PPP1R13B: variants seen among roughly 807,000 people sequenced by gnomAD.
The protein encoded by PPP1R13B is apoptosis-stimulating of p53 protein 1.
Under a neutral mutation model 119.8 loss-of-function variants are expected in PPP1R13B, and 44 were observed. That is an observed-to-expected ratio of 0.37 (90% CI 0.29 to 0.47). PPP1R13B has a LOEUF of 0.47. Among genes scored for constraint, PPP1R13B ranks in the 20% least tolerant of loss-of-function variants. The pLI is 0.99. For missense variants in PPP1R13B, 1,227 were observed against 1,413.5 expected, an observed-to-expected ratio of 0.87 and a Z score of 2.12; for synonymous variants, 542 against 561.5, an observed-to-expected ratio of 0.97 and a Z score of 0.49.
chr14:103,812,346 G>A (rs1390004597), intron 1 of PPP1R13B, among the ~76,000 whole-genome samples: 2 of 151,640 alleles, frequency 1.3e-5, no homozygotes, highest in African/African-American at 4.8e-5. Flanking sequence ...GGCTGGTCTC[G>A]AACTCCTTAC....
intron 4 of PPP1R13B, among the ~76,000 whole-genome samples, chr14:103,758,136 G>A (rs921763030): frequency 6.6e-6 from 1 of 152,144 alleles, no homozygotes; most frequent in Non-Finnish European, 1.5e-5. Context: ...AAGAACAAAT[G>A]TCATCTCACT....
chr14:103,739,650 C>T (rs150294490), intron 12 of PPP1R13B, among the ~76,000 whole-genome samples, 174 bp downstream of exon 12: 1 of 152,242 alleles, frequency 6.6e-6, no homozygotes, highest in Non-Finnish European at 1.5e-5. Flanking sequence ...ATTTGTCATG[C>T]CTTTTCATGC....
At chr14:103,819,575 A>G (rs967616961) in intron 1 of PPP1R13B, among the ~76,000 whole-genome samples, 1 of 152,148 alleles carries the variant, frequency 6.6e-6, no homozygotes, top group Non-Finnish European at 1.5e-5. Flanking sequence ...GGCTAATATA[A>G]AAATCCAGGA....
At chr14:103,735,234 A>G (rs1230909772) in intron 16 of PPP1R13B, 39 bp from the exon 17 acceptor site, 8 of 1,611,814 alleles carry the variant, frequency 5.0e-6, no homozygotes, top group Non-Finnish European at 6.8e-6. Context: ...AGGAAGCCAC[A>G]CACAGGGAGC....
rs930129376 is a variant in PPP1R13B at position 103,736,110 on chromosome 14, C to T, written c.3124G>A (p.Glu1042Lys). The change falls in exon 16 of 17, where the codon GAA becomes AAA. Residue 1042 changes from glutamate to lysine, a missense_variant. Physicochemically the swap from Glu to Lys is moderately conservative, Grantham distance 56 (BLOSUM62 1). Coordinates refer to ENST00000202556, the MANE Select transcript of PPP1R13B (RefSeq NM_015316.3). Reference sequence around the variant, plus strand: ...CTCAGGATGGTGAGGGCGTCCCCTTCGTGGAAGGACAGCTCGTCACTGTTC... The same window carrying T: ...CTCAGGATGGTGAGGGCGTCCCCTTTGTGGAAGGACAGCTCGTCACTGTTC... ...AQNSDELSFH[E>K]GDALTILRRK... 1 of 1,614,230 alleles carries T rather than the reference C, an allele frequency of 6.2e-7. No homozygotes were observed. The highest frequency in any genetic ancestry group is 8.5e-7 in the Non-Finnish European group (1 of 1,180,040).
At chr14:103,847,242 G>A (rs2152094002) in intron 1 of PPP1R13B, 57 bp downstream of exon 1, 1 of 1,141,994 alleles carries the variant, frequency 8.8e-7, no homozygotes, top group Non-Finnish European at 1.1e-6. Flanking sequence ...GAGGAAGGAG[G>A]TTTGGCCAGC....
chr14:103,802,601 A>G (rs944419329), intron 1 of PPP1R13B, among the ~76,000 whole-genome samples: 2 of 152,168 alleles, frequency 1.3e-5, no homozygotes, highest in Non-Finnish European at 2.9e-5. Context: ...AGCACGCGTA[A>G]AGCAGTACCC....
At position 103,742,198 on chromosome 14, in the gene PPP1R13B, C is replaced by T. The variant is rs773210978; in HGVS notation, c.1414G>A (p.Gly472Ser). The part of the protein sequence containing the change: ...YGTYPSPTPL[G>S]PGSTSSLERR... Reference sequence around the variant, plus strand: ...TCCAGGGAGCTTGTCGACCCAGGACCCAGAGGTGTAGGACTTGGGTATGTC... The same window carrying T: ...TCCAGGGAGCTTGTCGACCCAGGACTCAGAGGTGTAGGACTTGGGTATGTC... The change falls in exon 11 of 17, where the codon GGT becomes AGT. Residue 472 changes from glycine (G) to serine (S), a missense_variant. Transcript: ENST00000202556. The surrounding 1 kb of genome is among the most constrained non-coding windows in gnomAD (Gnocchi z 4.9). 3.1e-6 allele frequency: 5 copies of T among 1,603,972 alleles called. No homozygotes were observed. In the African/African-American group the frequency reaches 5.3e-5, roughly 17 times the overall value.
intron 2 of PPP1R13B, among the ~76,000 whole-genome samples, chr14:103,791,109 GCTGA>G (rs1483127755): frequency 1.4e-5 from 2 of 141,706 alleles, no homozygotes; most frequent in Non-Finnish European, 3.0e-5. Flanking sequence ...ACATTATGCT[GCTGA>G]CTTTTTTCTT....
At chr14:103,741,446 C>CT (rs2084256546) in intron 11 of PPP1R13B, among the ~76,000 whole-genome samples, 1 of 152,210 alleles carries the variant, frequency 6.6e-6, no homozygotes, top group Non-Finnish European at 1.5e-5. Flanking sequence ...AGGCCACCCT[C>CT]TACGCACTGG....
chr14:103,837,710 T>C (rs1025141186), intron 1 of PPP1R13B, among the ~76,000 whole-genome samples: 2 of 152,194 alleles, frequency 1.3e-5, no homozygotes, highest in Non-Finnish European at 2.9e-5. Flanking sequence ...CTACTCTTCC[T>C]GTTTATTTTT....
intron 1 of PPP1R13B, among the ~76,000 whole-genome samples, chr14:103,834,501 G>A (rs924588763): frequency 6.6e-6 from 1 of 151,864 alleles, no homozygotes; most frequent in Non-Finnish European, 1.5e-5. Context: ...ACAGGACACT[G>A]CATGAAGTGA....
chr14:103,819,261 G>A (rs2086348941), intron 1 of PPP1R13B, among the ~76,000 whole-genome samples: 1 of 152,132 alleles, frequency 6.6e-6, no homozygotes, highest in Non-Finnish European at 1.5e-5. Flanking sequence ...AGTAAGAAGT[G>A]GCATATTTTG....
At position 103,734,959 on chromosome 14, in the gene PPP1R13B, A is replaced by G. The variant is rs2084057001; in HGVS notation, c.*195T>C. On this transcript the variant is annotated 3_prime_UTR_variant, in exon 17 of 17. Coordinates refer to ENST00000202556, the MANE Select transcript of PPP1R13B (RefSeq NM_015316.3). The stretch of plus-strand genomic sequence containing the variant: ...AAATTCAGTCCTTGGAGGCGAAAGT[A>G]CCTCTCCCAGTTAATGGGCAAACTG... 1.4e-6 allele frequency: 1 copy of G among 716,676 alleles called. No individual in the cohort carries two copies. Among genetic ancestry groups the G allele is most frequent in the African/African-American group, 1.7e-5 (1 of 57,312 alleles). 44.4% of individuals were successfully genotyped at this position (716,676 alleles called of 1,614,324 possible).
rs1280611943 is a variant in PPP1R13B, at chr14:103,742,129, G to T, written c.1483C>A (p.Pro495Thr). The T allele has an allele frequency of 1.1e-5, 18 of 1,612,492 alleles. No individual in the cohort carries two copies. Among genetic ancestry groups the T allele is most frequent in the Non-Finnish European group, 1.5e-5 (18 of 1,180,024 alleles). ...AGCAGGGTGGGCCTCTGTCGACTTG[G>T]CAGGCCTGCACTGGGCCTGGGCAAG... ...GSLPRPSAGL[P>T]SRQRPTLLPA... Residue 495 changes from proline to threonine, a missense_variant, in exon 11 of 17, where the codon CCA (proline) becomes ACA (threonine). Pro to Thr is a conservative substitution (Grantham distance 38). Transcript: ENST00000202556. This position sits in a 1 kb window ranked among gnomAD's most constrained non-coding sequence, Gnocchi z 4.9.
chr14:103,766,341 G>A (rs1182408413), intron 4 of PPP1R13B, among the ~76,000 whole-genome samples: 1 of 152,058 alleles, frequency 6.6e-6, no homozygotes, highest in Non-Finnish European at 1.5e-5. Context: ...TATTTTATAG[G>A]TGAGAAAGCT....
At chr14:103,771,058 T>C (rs1367280414) in intron 4 of PPP1R13B, among the ~76,000 whole-genome samples, 2 of 152,058 alleles carry the variant, frequency 1.3e-5, no homozygotes, top group African/African-American at 4.8e-5. Context: ...AGGCTAACTA[T>C]GAAATGAACC....
rs575436364 is a variant in PPP1R13B at position 103,764,223 on chromosome 14, A to G, written c.355-6472T>C. 3 of 157,142 alleles carry G rather than the reference A, an allele frequency of 1.9e-5. No individual in the cohort carries two copies. The South Asian group carries it at 5.2e-4, about 27-fold the overall frequency. 9.7% of individuals were successfully genotyped at this position (157,142 alleles called of 1,614,324 possible). ...CTCCAAAGCGATTGCACTATTTTAC[A>G]TTTCCACCAGCAATGGACACCAGTG... is the stretch of plus-strand genomic sequence containing the variant. On this transcript the variant is annotated intron_variant, in intron 4 of 16. Coordinates refer to ENST00000202556, the MANE Select transcript of PPP1R13B (RefSeq NM_015316.3).
intron 4 of PPP1R13B, among the ~76,000 whole-genome samples, chr14:103,765,797 T>C (rs2084923672): frequency 6.6e-6 from 1 of 152,156 alleles, no homozygotes; most frequent in African/African-American, 2.4e-5. Context: ...TGTTTTGATA[T>C]TCAGGATGTT....
Sources: gnomAD v4.1 joint callset for allele counts (sites outside exome capture counted in the v4.1 genomes callset) on GRCh38, gnomAD v4.1.1 for gene constraint, Gnocchi (gnomAD v3.1) non-coding constraint, MANE v1.5 for transcripts, NCBI Gene and HGNC (gene_info 2026-07-23, HGNC 2026-07-21) for gene names.